Variants in NCAM2 observed in about 807,000 individuals in gnomAD.
NCAM2 encodes the protein N-CAM-2.
Under a neutral mutation model 98.1 loss-of-function variants are expected in NCAM2, and 30 were observed. The ratio of observed to expected loss-of-function variants is 0.31; its 90% CI spans 0.23 to 0.41. The LOEUF is 0.41. Among genes scored for constraint, NCAM2 ranks in the 10% least tolerant of loss-of-function variants. The pLI, the probability that NCAM2 is intolerant of heterozygous loss-of-function variation, is 1.00. For missense variants in NCAM2, 867 were observed against 1,005.8 expected (o/e 0.86, Z 1.87); for synonymous variants, 368 against 342.4 (o/e 1.07, Z -0.83).
At chr21:21,187,862 C>T (rs1282785937) in intron 1 of NCAM2, among the ~76,000 whole-genome samples, 1 of 152,134 alleles carries the variant, frequency 6.6e-6, no homozygotes, top group African/African-American at 2.4e-5. Context: ...TCGTCAGGGT[C>T]AGCTAAATAG....
intron 1 of NCAM2, among the ~76,000 whole-genome samples, chr21:21,151,307 C>G (rs572911999): frequency 1.3e-5 from 2 of 152,038 alleles, no homozygotes; most frequent in South Asian, 4.1e-4. Flanking sequence ...TTGTAAGGTA[C>G]ATGTGCACAA....
At chr21:21,484,920 T>C (rs569899136) in intron 15 of NCAM2, among the ~76,000 whole-genome samples, 5 of 152,284 alleles carry the variant, frequency 3.3e-5, no homozygotes, top group Admixed American at 3.3e-4. Flanking sequence ...TAATCTTTCA[T>C]TATTATTTTG....
At chr21:21,443,711 G>A (rs770489412) in intron 12 of NCAM2, among the ~76,000 whole-genome samples, 2 of 152,038 alleles carry the variant, frequency 1.3e-5, no homozygotes, top group Non-Finnish European at 2.9e-5. Flanking sequence ...TATAGTAGAG[G>A]CAGTTGTTCT....
intron 1 of NCAM2, among the ~76,000 whole-genome samples, chr21:21,153,576 A>G (rs1473264823): frequency 6.6e-6 from 1 of 152,016 alleles, no homozygotes; most frequent in Admixed American, 6.6e-5. Flanking sequence ...AAAAGCAAAC[A>G]TCATGACTTT....
At chr21:21,384,655 T>A (rs900949938) in intron 9 of NCAM2, among the ~76,000 whole-genome samples, 1 of 151,998 alleles carries the variant, frequency 6.6e-6, no homozygotes, top group Non-Finnish European at 1.5e-5. Context: ...TATTACCTTC[T>A]AAGTGACCTA....
chr21:21,243,722 G>A (rs2071157281), intron 1 of NCAM2, among the ~76,000 whole-genome samples: 1 of 152,130 alleles, frequency 6.6e-6, no homozygotes, highest in Non-Finnish European at 1.5e-5. Context: ...GTGTTCCATG[G>A]CTTCCAAATC....
At chr21:21,014,450 A>T (rs910225316) in intron 1 of NCAM2, among the ~76,000 whole-genome samples, 13 of 152,204 alleles carry the variant, frequency 8.5e-5, no homozygotes, top group South Asian at 4.1e-4. Flanking sequence ...AATTATGCCA[A>T]ATCTATTCTG....
intron 1 of NCAM2, among the ~76,000 whole-genome samples, chr21:21,024,658 C>A (rs1312283708): frequency 6.6e-6 from 1 of 152,102 alleles, no homozygotes; most frequent in African/African-American, 2.4e-5. Flanking sequence ...GGATGATAAC[C>A]TCAGGTCAGC....
chr21:21,007,297 G>T (rs1174598408), intron 1 of NCAM2, among the ~76,000 whole-genome samples: 2 of 151,774 alleles, frequency 1.3e-5, no homozygotes, highest in Non-Finnish European at 2.9e-5. Context: ...CTTTTTTTTG[G>T]TACCTCTGTT....
At chr21:21,429,355 A>G (rs2077280720) in intron 11 of NCAM2, among the ~76,000 whole-genome samples, 1 of 152,260 alleles carries the variant, frequency 6.6e-6, no homozygotes, top group Non-Finnish European at 1.5e-5. Context: ...TGTTTATACC[A>G]TATATTCAAA....
intron 5 of NCAM2, among the ~76,000 whole-genome samples, chr21:21,301,616 A>G (rs1373393126): frequency 8.2e-6 from 1 of 122,346 alleles, no homozygotes; most frequent in Non-Finnish European, 1.6e-5. Context: ...ATTCCCACCT[A>G]TGAGTGAGAA....
intron 1 of NCAM2, among the ~76,000 whole-genome samples, chr21:21,274,406 C>T (rs569997157): frequency 2.0e-5 from 3 of 152,138 alleles, no homozygotes; most frequent in Non-Finnish European, 4.4e-5. Flanking sequence ...AAATGTTTGA[C>T]GTTAGAGAAT....
At chr21:21,015,838 G>C (rs1376946333) in intron 1 of NCAM2, among the ~76,000 whole-genome samples, 1 of 152,036 alleles carries the variant, frequency 6.6e-6, no homozygotes, top group Non-Finnish European at 1.5e-5. Flanking sequence ...TGAGTAGCTG[G>C]GATTACAGGC....
At chr21:21,406,608 T>C (rs1237144215) in intron 9 of NCAM2, among the ~76,000 whole-genome samples, 1 of 152,184 alleles carries the variant, frequency 6.6e-6, no homozygotes, top group African/African-American at 2.4e-5. Flanking sequence ...GAGATCTTTT[T>C]CTCCACCTCC....
At chr21:21,437,288 A>G (rs977467421) in intron 12 of NCAM2, among the ~76,000 whole-genome samples, 1 of 152,124 alleles carries the variant, frequency 6.6e-6, no homozygotes, top group Non-Finnish European at 1.5e-5. Context: ...TCAAGAAACC[A>G]GAAGACTTTA....
At chr21:21,328,479 C>T (rs2074581646) in intron 6 of NCAM2, among the ~76,000 whole-genome samples, 1 of 151,620 alleles carries the variant, frequency 6.6e-6, no homozygotes, top group Non-Finnish European at 1.5e-5. Context: ...TGTTATTGCC[C>T]CCAAAAGACC....
intron 1 of NCAM2, among the ~76,000 whole-genome samples, chr21:21,256,442 G>A (rs376267981): frequency 2.6e-4 from 39 of 152,232 alleles, no homozygotes; most frequent in African/African-American, 5.5e-4. Context: ...ACTCCTGTTC[G>A]TTGCCTGTAG....
intron 10 of NCAM2, among the ~76,000 whole-genome samples, chr21:21,417,590 A>G (rs1323909003): frequency 2.6e-5 from 4 of 152,074 alleles, no homozygotes; most frequent in Non-Finnish European, 5.9e-5. Flanking sequence ...ATTGAAAATT[A>G]TATCTATTAC....
intron 1 of NCAM2, among the ~76,000 whole-genome samples, chr21:21,109,816 A>G (rs1245134814): frequency 2.0e-5 from 3 of 152,220 alleles, no homozygotes; most frequent in Non-Finnish European, 4.4e-5. Flanking sequence ...AAGATTTGGC[A>G]TGGGTTAACA....
Sources: gnomAD v4.1 joint callset for allele counts (sites outside exome capture counted in the v4.1 genomes callset) on GRCh38, gnomAD v4.1.1 for gene constraint, MANE v1.5 for transcripts, NCBI Gene and HGNC (gene_info 2026-07-23, HGNC 2026-07-21) for gene names.